Variants in GPHN observed in about 807,000 individuals in gnomAD.
GPHN encodes the protein gephyrin.
A neutral mutation model predicts 95.5 loss-of-function variants in GPHN; 17 were observed. The observed-to-expected ratio is 0.18, with a 90% CI of 0.12 to 0.27. The LOEUF (loss-of-function observed/expected upper bound fraction) is 0.27. GPHN is among the 10% of genes least tolerant of loss of function. The pLI, the probability that GPHN is intolerant of heterozygous loss-of-function variation, is 1.00. For synonymous variants in GPHN, 320 were observed against 322.5 expected (o/e 0.99, Z 0.08); for missense variants, 660 against 978.1 (o/e 0.67, Z 4.34).
At chr14:67,507,551 T>C in the GPHN span, among the ~76,000 whole-genome samples, 1 of 151,882 alleles carries the variant, frequency 6.6e-6, no homozygotes, top group Non-Finnish European at 1.5e-5. Context: ...CAGGCTTAAG[T>C]GATCCTCCCA....
At chr14:67,025,788 A>C (rs752226402) in intron 10 of GPHN, among the ~76,000 whole-genome samples, 1 of 152,206 alleles carries the variant, frequency 6.6e-6, no homozygotes, top group African/African-American at 2.4e-5. Context: ...TGAGTTTGCA[A>C]CTTTTCTGAA....
chr14:67,581,143 C>G, the GPHN span: 1 of 733,910 alleles, frequency 1.4e-6, no homozygotes, highest in Non-Finnish European at 2.4e-6. Context: ...GGGAGGGACC[C>G]ACAGATATAA....
chr14:67,133,664 C>A (rs1028075529), intron 17 of GPHN, among the ~76,000 whole-genome samples: 1 of 152,084 alleles, frequency 6.6e-6, no homozygotes, highest in Non-Finnish European at 1.5e-5. Flanking sequence ...AGATGTCATA[C>A]CCTCTGAATA....
chr14:66,837,540 C>T (rs894886514), intron 4 of GPHN, among the ~76,000 whole-genome samples: 15 of 149,082 alleles, frequency 1.0e-4, no homozygotes, highest in African/African-American at 2.0e-4. Flanking sequence ...CACATGTATA[C>T]GTATGTAACT....
intron 4 of GPHN, among the ~76,000 whole-genome samples, chr14:66,841,793 C>A (rs1166571619): frequency 6.6e-6 from 1 of 152,172 alleles, no homozygotes; most frequent in Non-Finnish European, 1.5e-5. Flanking sequence ...GTAATCCCAG[C>A]ACTTTGGGAG....
intron 1 of GPHN, among the ~76,000 whole-genome samples, chr14:66,588,705 A>G (rs754062471): frequency 3.8e-4 from 58 of 151,900 alleles, no homozygotes; most frequent in Middle Eastern, 6.8e-3. Context: ...TGAAAAGGAA[A>G]CAAGCCTCCA....
chr14:67,204,879 C>T, the GPHN span: 4 of 1,613,816 alleles, frequency 2.5e-6, no homozygotes, highest in Non-Finnish European at 3.4e-6. Context: ...GCATAGATTT[C>T]CCAGAATTCA....
At chr14:67,530,700 C>CA in the GPHN span, among the ~76,000 whole-genome samples, 14 of 152,258 alleles carry the variant, frequency 9.2e-5, no homozygotes, top group South Asian at 1.9e-3. Flanking sequence ...AAGCAGTTTT[C>CA]AAAACATGGA....
the GPHN span, among the ~76,000 whole-genome samples, chr14:67,391,367 G>T: frequency 5.3e-5 from 8 of 150,768 alleles, no homozygotes; most frequent in African/African-American, 2.0e-4. Context: ...AGCCCTCCTA[G>T]TCAGGAACAC....
chr14:66,585,558 A>C (rs1398493837), intron 1 of GPHN, among the ~76,000 whole-genome samples: 1 of 151,850 alleles, frequency 6.6e-6, no homozygotes, highest in African/African-American at 2.4e-5. Context: ...ACACTGCTTT[A>C]AATGTGTCCC....
intron 3 of GPHN, among the ~76,000 whole-genome samples, chr14:66,780,191 A>G (rs1267766567): frequency 2.0e-5 from 3 of 152,114 alleles, no homozygotes; most frequent in Non-Finnish European, 2.9e-5. Flanking sequence ...AGGAAAGAGG[A>G]TGTTTTGGAC....
chr14:67,200,775 T>C, the GPHN span, among the ~76,000 whole-genome samples: 1 of 152,326 alleles, frequency 6.6e-6, no homozygotes, highest in South Asian at 2.1e-4. Context: ...TTTCATTTTT[T>C]CACCTTTCAT....
intron 1 of GPHN, among the ~76,000 whole-genome samples, chr14:66,645,579 C>G (rs535521011): frequency 9.0e-4 from 136 of 151,340 alleles, no homozygotes; most frequent in African/African-American, 3.2e-3. Context: ...GCAATCCCAG[C>G]TACTTGAGAG....
At chr14:66,628,558 G>A (rs936663390) in intron 1 of GPHN, among the ~76,000 whole-genome samples, 1 of 152,138 alleles carries the variant, frequency 6.6e-6, no homozygotes, top group Admixed American at 6.5e-5. Context: ...GGGTAGGTGA[G>A]TGAGTGAATG....
chr14:67,624,300 G>C, the GPHN span, among the ~76,000 whole-genome samples: 1 of 152,182 alleles, frequency 6.6e-6, no homozygotes, highest in African/African-American at 2.4e-5. Flanking sequence ...ATACTGTATA[G>C]TGACACCATT....
chr14:67,048,328 T>C (rs912242565), intron 10 of GPHN, among the ~76,000 whole-genome samples: 1 of 152,200 alleles, frequency 6.6e-6, no homozygotes, highest in African/African-American at 2.4e-5. Context: ...TTTTTATTAC[T>C]TCCTCTGCAA....
intron 3 of GPHN, among the ~76,000 whole-genome samples, chr14:66,806,400 G>T (rs1451337222): frequency 6.6e-6 from 1 of 152,190 alleles, no homozygotes; most frequent in Non-Finnish European, 1.5e-5. Flanking sequence ...TCGGCTCCTT[G>T]TTACTCATGC....
the GPHN span, among the ~76,000 whole-genome samples, chr14:67,273,255 A>G: frequency 6.6e-6 from 1 of 151,508 alleles, no homozygotes; most frequent in African/African-American, 2.4e-5. Flanking sequence ...TCCTAATGCT[A>G]TCGCTCCCCC....
At chr14:67,561,044 CT>C in the GPHN span, among the ~76,000 whole-genome samples, 1 of 152,170 alleles carries the variant, frequency 6.6e-6, no homozygotes, top group Non-Finnish European at 1.5e-5. Flanking sequence ...AAACATACAT[CT>C]TTTCCTCTGT....
Sources: gnomAD v4.1 joint callset for allele counts (sites outside exome capture counted in the v4.1 genomes callset) on GRCh38, gnomAD v4.1.1 for gene constraint, MANE v1.5 for transcripts, NCBI Gene and HGNC (gene_info 2026-07-23, HGNC 2026-07-21) for gene names.